NETO1: variants seen among roughly 807,000 people sequenced by gnomAD.
NETO1 encodes the protein neuropilin and tolloid like 1.
A neutral mutation model predicts 61.3 loss-of-function variants in NETO1; 26 were observed. The observed-to-expected ratio is 0.42, with a 90% CI of 0.31 to 0.59. The LOEUF is 0.59. Among genes scored for constraint, NETO1 ranks in the 20% least tolerant of loss-of-function variants. NETO1 has a pLI of 0.12. For synonymous variants in NETO1, 225 were observed against 225.8 expected (o/e 1.00, Z 0.03); for missense variants, 531 against 662.8 (o/e 0.80, Z 2.18).
chr18:72,819,455 T>C (rs1568225999), intron 4 of NETO1, among the ~76,000 whole-genome samples: 1 of 152,210 alleles, frequency 6.6e-6, no homozygotes, highest in Non-Finnish European at 1.5e-5. Flanking sequence ...ATTTCAAAAA[T>C]ATTTGACGTT....
At chr18:72,755,737 G>A (rs1403462032) in intron 8 of NETO1, among the ~76,000 whole-genome samples, 1 of 152,072 alleles carries the variant, frequency 6.6e-6, no homozygotes, top group Non-Finnish European at 1.5e-5. Flanking sequence ...TGACAGGAAA[G>A]TAGTGTGCTC....
At chr18:72,810,507 G>A (rs1298500906) in intron 4 of NETO1, among the ~76,000 whole-genome samples, 1 of 152,138 alleles carries the variant, frequency 6.6e-6, no homozygotes, top group African/African-American at 2.4e-5. Context: ...ACCACTTACA[G>A]CCCATATCAA....
intron 3 of NETO1, among the ~76,000 whole-genome samples, chr18:72,863,493 CTATCAGTTGTAAAAGGAATT>C (rs1243237694): frequency 6.6e-6 from 1 of 152,194 alleles, no homozygotes; most frequent in Non-Finnish European, 1.5e-5. Context: ...AGTACCTTTT[CTATCAGTTGTAAAAGGAATT>C]TGCACTGCCA....
downstream of NETO1, chr18:72,742,753 A>C (rs538486536): frequency 6.6e-6 from 1 of 152,134 alleles, no homozygotes; most frequent in African/African-American, 2.4e-5. Context: ...AGTTACTAAA[A>C]CTCTTCAGTT....
In NETO1 at chr18:72,746,204, A is replaced by G. The variant is rs1041146276; in HGVS notation, c.*1975T>C. Reference sequence around the variant, plus strand: ...TAAAAAATCTTGACAGTTATATCATACTTTTGAGATTATCATTCAAAGGGA... The same window carrying G: ...TAAAAAATCTTGACAGTTATATCATGCTTTTGAGATTATCATTCAAAGGGA... On this transcript the variant is annotated 3_prime_UTR_variant, in exon 11 of 11. Transcript: ENST00000327305. Among the ~76,000 whole-genome samples, 2 of 152,154 alleles carry G rather than the reference A, an allele frequency of 1.3e-5. No homozygotes were observed. The highest frequency in any genetic ancestry group is 4.8e-5 in the African/African-American group (2 of 41,432).
At chr18:72,800,543 C>T (rs2072470699) in intron 4 of NETO1, among the ~76,000 whole-genome samples, 1 of 152,130 alleles carries the variant, frequency 6.6e-6, no homozygotes, top group Admixed American at 6.6e-5. Context: ...AGTGATTCTA[C>T]ATTATGGTGA....
chr18:72,867,301 T>C lies in NETO1; in HGVS notation c.-10A>G. On this transcript the variant is annotated 5_prime_UTR_variant, in exon 1 of 11. Transcript: ENST00000327305. The stretch of plus-strand genomic sequence containing the variant: ...TGCGCCCATGGATCATGTCTGTGCG[T>C]TACACCAGAGGCTCCGGGCTCCACT... 6.4e-7 allele frequency: 1 copy of C among 1,566,986 alleles called. No individual in the cohort carries two copies. The highest frequency in any genetic ancestry group is 1.2e-5 in the South Asian group (1 of 83,680).
chr18:72,843,103 C>T (rs1035406451), intron 4 of NETO1, among the ~76,000 whole-genome samples: 4 of 152,108 alleles, frequency 2.6e-5, no homozygotes, highest in Non-Finnish European at 5.9e-5. Flanking sequence ...GAAAACCAAA[C>T]ATGCTTGATA....
At position 72,745,097 on chromosome 18, in the gene NETO1, A is replaced by G. The variant is rs1568163993; in HGVS notation, c.*3082T>C. 6.6e-6 allele frequency: 1 copy of G among 152,166 alleles called. No individual in the cohort carries two copies. Among genetic ancestry groups the G allele is most frequent in the Non-Finnish European group, 1.5e-5 (1 of 68,032 alleles). The allele number at this position is 152,166 out of a possible 1,614,324, so 9.4% of individuals were successfully genotyped here. On this transcript the variant is annotated 3_prime_UTR_variant, in exon 11 of 11. Transcript: ENST00000327305. ...AAACAGAAAAACCAGCAACACCACA[A>G]TGTGATTTGTTCTCCATTAAAAGCC...
At chr18:72,851,279 C>T (rs532137638) in intron 4 of NETO1, among the ~76,000 whole-genome samples, 6 of 152,032 alleles carry the variant, frequency 3.9e-5, no homozygotes, top group Admixed American at 6.6e-5. Context: ...GGCGTGGTGG[C>T]GCATGCTTGT....
chr18:72,810,855 T>TAC (rs2072843847), intron 4 of NETO1, among the ~76,000 whole-genome samples: 2 of 152,180 alleles, frequency 1.3e-5, no homozygotes, highest in African/African-American at 4.8e-5. Context: ...TTCGGTGATG[T>TAC]TAGAAGGAAA....
chr18:72,818,709 T>C (rs573803067), intron 4 of NETO1, among the ~76,000 whole-genome samples: 1 of 152,328 alleles, frequency 6.6e-6, no homozygotes, highest in Non-Finnish European at 1.5e-5. Flanking sequence ...GTACTTGAAA[T>C]ATAATCTTTC....
At chr18:72,829,464 C>A (rs2145374388) in intron 4 of NETO1, among the ~76,000 whole-genome samples, 1 of 152,240 alleles carries the variant, frequency 6.6e-6, no homozygotes, top group Non-Finnish European at 1.5e-5. Context: ...TCATTATTAT[C>A]ATTACTGCTA....
intron 4 of NETO1, among the ~76,000 whole-genome samples, chr18:72,837,632 A>C (rs2145444315): frequency 6.6e-6 from 1 of 152,316 alleles, no homozygotes; most frequent in South Asian, 2.1e-4. Flanking sequence ...ATAGGAATAT[A>C]GTTATATATG....
rs779756292 is a variant in NETO1, at chr18:72,867,316, C to T, written c.-25G>A. ...TGTCTGTGCGTTACACCAGAGGCTC[C>T]GGGCTCCACTAATTCCATTTAGAGA... On this transcript the variant is annotated 5_prime_UTR_variant, in exon 1 of 11. Coordinates refer to ENST00000327305, the MANE Select transcript of NETO1 (RefSeq NM_138966.5). 6 of 1,559,474 alleles carry T rather than the reference C, an allele frequency of 3.8e-6. No homozygotes were observed. The highest frequency in any genetic ancestry group is 3.6e-5 in the South Asian group (3 of 82,734).
At chr18:72,805,839 C>T (rs767062840) in intron 4 of NETO1, among the ~76,000 whole-genome samples, 2 of 151,988 alleles carry the variant, frequency 1.3e-5, no homozygotes, top group African/African-American at 2.4e-5. Flanking sequence ...AGATAAAATA[C>T]AATTTTTTTT....
intron 4 of NETO1, chr18:72,834,488 G>T: frequency 1.0e-6 from 1 of 975,100 alleles, no homozygotes. Context: ...TAAATTATGT[G>T]ACACTTAAGA....
At chr18:72,847,248 G>A (rs2074116689) in intron 4 of NETO1, among the ~76,000 whole-genome samples, 1 of 152,210 alleles carries the variant, frequency 6.6e-6, no homozygotes, top group South Asian at 2.1e-4. Flanking sequence ...TGCTGATTGT[G>A]AACAGTCATA....
At chr18:72,819,006 T>A (rs942208323) in intron 4 of NETO1, among the ~76,000 whole-genome samples, 3 of 152,212 alleles carry the variant, frequency 2.0e-5, no homozygotes, top group Non-Finnish European at 2.9e-5. Context: ...ATGAAAATGT[T>A]TTTGCATAAG....
Sources: allele counts gnomAD v4.1 joint callset (sites outside exome capture counted in the v4.1 genomes callset), GRCh38; gene constraint gnomAD v4.1.1; transcripts MANE v1.5; gene names NCBI Gene and HGNC (gene_info 2026-07-23, HGNC 2026-07-21).